The following CFTR variants were observed in gnomAD, a reference collection of about 807,000 sequenced individuals.
CFTR encodes the protein CF transmembrane conductance regulator, also known as cystic fibrosis transmembrane conductance regulator.
CFTR carries 181 observed loss-of-function variants against 171.6 expected under a neutral mutation model. The ratio of observed to expected loss-of-function variants is 1.05; its 90% CI spans 0.93 to 1.19. The LOEUF is 1.19. CFTR is among the 50% of genes most tolerant of loss of function. CFTR has a pLI of 0.00. For synonymous variants in CFTR, 583 were observed against 608.0 expected, an observed-to-expected ratio of 0.96 and a Z score of 0.60; for missense variants, 1,968 against 1,734.7, an observed-to-expected ratio of 1.13 and a Z score of -2.39.
chr7:117,609,101 G>T (rs1396367343), intron 18 of CFTR, among the ~76,000 whole-genome samples: 1 of 152,096 alleles, frequency 6.6e-6, no homozygotes, highest in East Asian at 1.9e-4. Context: ...GTTACCCATG[G>T]TTCTGTTCTT....
chr7:117,555,855 T>C (rs559252125), intron 10 of CFTR, among the ~76,000 whole-genome samples: 1 of 152,344 alleles, frequency 6.6e-6, no homozygotes, highest in East Asian at 1.9e-4. Context: ...GTTTATGTTA[T>C]CTGTAAGGTT....
chr7:117,649,918 G>A (rs1209997178), intron 23 of CFTR, among the ~76,000 whole-genome samples: 1 of 152,070 alleles, frequency 6.6e-6, no homozygotes, highest in African/African-American at 2.4e-5. Context: ...CCTAAAGAAA[G>A]CAGTTGGCCA....
intron 22 of CFTR, among the ~76,000 whole-genome samples, chr7:117,633,517 G>A (rs982202868): frequency 6.6e-6 from 1 of 151,864 alleles, no homozygotes; most frequent in African/African-American, 2.4e-5. Flanking sequence ...TCATTAGCTA[G>A]GACTTCCAGT....
chr7:117,625,854 C>T (rs1293621046), intron 21 of CFTR, among the ~76,000 whole-genome samples: 1 of 152,088 alleles, frequency 6.6e-6, no homozygotes, highest in African/African-American at 2.4e-5. Flanking sequence ...AAATTAGTGA[C>T]AGTGTGAGTG....
At chr7:117,493,619 A>T (rs1401637190) in intron 1 of CFTR, among the ~76,000 whole-genome samples, 1 of 152,050 alleles carries the variant, frequency 6.6e-6, no homozygotes, top group Non-Finnish European at 1.5e-5. Flanking sequence ...TAGCGTTAGT[A>T]TTGGTCCTCA....
chr7:117,644,239 CAGAA>C (rs1477702879), intron 23 of CFTR, among the ~76,000 whole-genome samples: 6 of 152,028 alleles, frequency 3.9e-5, no homozygotes, highest in Admixed American at 6.6e-5. Flanking sequence ...TGTCTGTAAA[CAGAA>C]TATGCTATTT....
chr7:117,576,341 C>T (rs1219935954), intron 11 of CFTR, among the ~76,000 whole-genome samples: 1 of 152,100 alleles, frequency 6.6e-6, no homozygotes, highest in Non-Finnish European at 1.5e-5. Flanking sequence ...ATTCCCTAAA[C>T]AATATAGTAT....
At chr7:117,494,935 A>G (rs1166495925) in intron 1 of CFTR, among the ~76,000 whole-genome samples, 1 of 152,144 alleles carries the variant, frequency 6.6e-6, no homozygotes, top group Admixed American at 6.6e-5. Context: ...GTGATTGTCT[A>G]ACAGTAACCG....
At chr7:117,604,672 A>G (rs1477574598) in intron 17 of CFTR, 2 of 152,238 alleles carry the variant, frequency 1.3e-5, no homozygotes, top group Non-Finnish European at 2.9e-5. Flanking sequence ...ATTAACATGT[A>G]GGAAGATCTT....
chr7:117,520,442 T>C (rs1362126101), intron 3 of CFTR, among the ~76,000 whole-genome samples: 1 of 151,920 alleles, frequency 6.6e-6, no homozygotes, highest in African/African-American at 2.4e-5. Flanking sequence ...TACATTTAAA[T>C]ATCTACTCTA....
Position 117,610,097 on chromosome 7 carries a change from G to T in CFTR, c.2989-422G>T, listed in dbSNP as rs182521466. On this transcript the variant is annotated intron_variant, in intron 18 of 26. Coordinates refer to ENST00000003084, the MANE Select transcript of CFTR (RefSeq NM_000492.4). ...TCATGTCCTTTGTAGGGACATGGAT[G>T]AAATTGGAAAACATCATTCTCAGTA... Among the ~76,000 whole-genome samples, 271 of 151,508 alleles carry T rather than the reference G, an allele frequency of 1.8e-3. 1 individual carries two copies. The Middle Eastern group carries it at 0.027, about 15-fold the overall frequency.
chr7:117,631,595 CT>C (rs1303789699), intron 22 of CFTR, among the ~76,000 whole-genome samples: 1 of 152,138 alleles, frequency 6.6e-6, no homozygotes, highest in Non-Finnish European at 1.5e-5. Flanking sequence ...TTAACTGGAA[CT>C]TTTTGGAGAG....
At chr7:117,606,608 G>A (rs1271707923) in intron 17 of CFTR, 66 bp from the exon 18 acceptor site, 6 of 863,376 alleles carry the variant, frequency 6.9e-6, no homozygotes, top group Non-Finnish European at 1.2e-5. Context: ...ACTTAGTATT[G>A]AATATATTGA....
chr7:117,540,209 C>G lies in CFTR; in HGVS notation c.979C>G (p.Leu327Val). 2 of 1,614,060 alleles carry G rather than the reference C, an allele frequency of 1.2e-6. No homozygotes were observed. Among genetic ancestry groups the G allele is most frequent in the South Asian group, 1.1e-5 (1 of 91,084 alleles). ...VVFLSVLPYA[L>V]IKGIILRKIF... ...GTTTTTATCTGTGCTTCCCTATGCA[C>G]TAATCAAAGGAATCATCCTCCGGAA... is the stretch of plus-strand genomic sequence containing the variant. The change falls in exon 8 of 27, where the codon CTA becomes GTA. Residue 327 changes from leucine to valine, a missense_variant. Transcript: ENST00000003084.
rs1373711694 is a variant in CFTR at position 117,610,597 on chromosome 7, A to G, written c.3067A>G (p.Ile1023Val). 1.9e-6 allele frequency: 3 copies of G among 1,613,422 alleles called. No individual in the cohort carries two copies. In the Admixed American group the frequency reaches 5.0e-5, roughly 27 times the overall value. Residue 1023 changes from isoleucine (I) to valine (V), a missense_variant, in exon 19 of 27, where the codon ATA (isoleucine) becomes GTA (valine). Ile to Val is a conservative substitution (Grantham distance 29). Coordinates refer to ENST00000003084, the MANE Select transcript of CFTR (RefSeq NM_000492.4). Reference sequence around the variant, plus strand: ...CATCTTTGTTGCAACAGTGCCAGTGATAGTGGCTTTTATTATGTTGAGAGC... The same window carrying G: ...CATCTTTGTTGCAACAGTGCCAGTGGTAGTGGCTTTTATTATGTTGAGAGC... ...PYIFVATVPV[I>V]VAFIMLRAYF...
intron 11 of CFTR, among the ~76,000 whole-genome samples, chr7:117,579,132 A>C (rs1175737756): frequency 6.6e-6 from 1 of 152,088 alleles, no homozygotes. Flanking sequence ...AAACCGTAAA[A>C]TATTTAGACA....
intron 1 of CFTR, among the ~76,000 whole-genome samples, chr7:117,488,153 T>G (rs1321925827): frequency 1.3e-5 from 2 of 152,168 alleles, no homozygotes; most frequent in African/African-American, 4.8e-5. Context: ...CACATAAGTC[T>G]CTGCAATAGA....
intron 11 of CFTR, among the ~76,000 whole-genome samples, chr7:117,563,056 T>C (rs1185831677): frequency 6.6e-6 from 1 of 152,120 alleles, no homozygotes; most frequent in African/African-American, 2.4e-5. Context: ...TGTAGATATA[T>C]CACTGACTGT....
intron 21 of CFTR, among the ~76,000 whole-genome samples, chr7:117,621,573 C>T (rs1328280936): frequency 6.6e-6 from 1 of 152,128 alleles, no homozygotes; most frequent in Non-Finnish European, 1.5e-5. Context: ...ATCAATGATA[C>T]ATACATAAAT....
Sources: allele counts gnomAD v4.1 joint callset (sites outside exome capture counted in the v4.1 genomes callset), GRCh38; gene constraint gnomAD v4.1.1; transcripts MANE v1.5; gene names NCBI Gene and HGNC (gene_info 2026-07-23, HGNC 2026-07-21).